Variants in RYR3 observed in about 807,000 individuals in gnomAD.
RYR3 encodes ryanodine receptor 3.
A neutral mutation model predicts 584.3 loss-of-function variants in RYR3; 207 were observed. The observed-to-expected ratio is 0.35, with a 90% CI of 0.32 to 0.40. The LOEUF (loss-of-function observed/expected upper bound fraction) is 0.40, where lower values mean the gene tolerates loss of function less well. Ranked by LOEUF, RYR3 falls within the 10% of genes least tolerant of loss-of-function variation. The pLI is 1.00. For synonymous variants in RYR3, 2,416 were observed against 2,248.5 expected, an observed-to-expected ratio of 1.07 and a Z score of -2.11; for missense variants, 5,616 against 6,089.2, an observed-to-expected ratio of 0.92 and a Z score of 2.59.
intron 37 of RYR3, 112 bp from the exon 38 acceptor site, chr15:33,670,307 T>C: frequency 9.2e-7 from 1 of 1,083,198 alleles, no homozygotes; most frequent in Non-Finnish European, 1.4e-6. Flanking sequence ...AAGCCTGTAG[T>C]ATCTTTAGAA....
intron 1 of RYR3, among the ~76,000 whole-genome samples, chr15:33,468,271 A>T (rs930228310): frequency 3.3e-5 from 5 of 152,240 alleles, no homozygotes; most frequent in African/African-American, 4.8e-5. Context: ...GCCATTAAAT[A>T]TTCACTGTTA....
At chr15:33,332,488 A>C (rs35298461) in intron 1 of RYR3, among the ~76,000 whole-genome samples, 18,823 of 152,052 alleles carry the variant, frequency 0.12, 1,424 homozygotes, top group South Asian at 0.2. Context: ...CAGTTATAGA[A>C]TACATACTAT....
chr15:33,549,353 G>T (rs1445869109), intron 9 of RYR3, among the ~76,000 whole-genome samples: 1 of 152,160 alleles, frequency 6.6e-6, no homozygotes, highest in Non-Finnish European at 1.5e-5. Context: ...ATGCGATTTG[G>T]ATTTATTGAT....
At chr15:33,530,742 C>G (rs1306307382) in intron 4 of RYR3, 76 bp downstream of exon 4, 6 of 1,078,290 alleles carry the variant, frequency 5.6e-6, no homozygotes, top group African/African-American at 3.1e-5. Flanking sequence ...AGGAAGCCAG[C>G]AATAACAACG....
rs903865101 is a variant in RYR3, at chr15:33,838,437, G to A, written c.12457G>A (p.Val4153Ile). The A allele has an allele frequency of 3.3e-5, 54 of 1,613,902 alleles. No homozygotes were observed. The highest frequency in any genetic ancestry group is 4.2e-5 in the Non-Finnish European group (50 of 1,179,906). The change falls in exon 89 of 104, where the codon GTC (valine) becomes ATC (isoleucine). Residue 4153 changes from valine (V) to isoleucine (I), a missense_variant. Physicochemically the swap from Val to Ile is conservative, Grantham distance 29. Coordinates refer to ENST00000634891, the MANE Select transcript of RYR3 (RefSeq NM_001036.6). ...GGCCTGTGCCTCTGTGAAGAGGAAT[G>A]TCACCGACTTCCTGAAGAGAGCAAC... ...AMACASVKRN[V>I]TDFLKRATLK... is the part of the protein sequence containing the mutation.
At chr15:33,854,686 C>A (rs2079461354) in intron 97 of RYR3, 80 bp from the exon 98 acceptor site, 3 of 1,523,006 alleles carry the variant, frequency 2.0e-6, no homozygotes, top group Non-Finnish European at 2.6e-6. Flanking sequence ...CAGTGTGTCT[C>A]CCAAAATAAG....
intron 70 of RYR3, among the ~76,000 whole-genome samples, chr15:33,809,191 G>A (rs924952103): frequency 6.6e-6 from 1 of 152,190 alleles, no homozygotes; most frequent in African/African-American, 2.4e-5. Flanking sequence ...AGCCCAGGAG[G>A]ACCAGATCTT....
chr15:33,388,766 A>G (rs562969144), intron 1 of RYR3, among the ~76,000 whole-genome samples: 143 of 152,288 alleles, frequency 9.4e-4, no homozygotes, highest in Non-Finnish European at 1.9e-3. Flanking sequence ...ACAGAACAGC[A>G]TGTAAGTATT....
rs114232918 is a variant in RYR3 at position 33,854,554 on chromosome 15, A to G, written c.13860+105A>G. On this transcript the variant is annotated intron_variant, in intron 97 of 103. Coordinates refer to ENST00000634891, the MANE Select transcript of RYR3 (RefSeq NM_001036.6). ...CAGAAGGGTTCAGGGATTGCTTATC[A>G]AAGACCAAGAGCCTTATACGTGCTG... is the stretch of plus-strand genomic sequence containing the variant. 2,400 of 1,096,440 alleles carry G rather than the reference A, an allele frequency of 2.2e-3. 32 individuals carry two copies. The African/African-American group carries it at 0.032, about 15-fold the overall frequency. The allele number at this position is 1,096,440 out of a possible 1,614,324, so 67.9% of individuals were successfully genotyped here.
chr15:33,780,089 A>G, intron 64 of RYR3, 122 bp from the exon 65 acceptor site: 5 of 1,134,200 alleles, frequency 4.4e-6, no homozygotes, highest in Non-Finnish European at 6.3e-6. Flanking sequence ...AGTGCATGCA[A>G]GCTTGCTGAG....
At chr15:33,622,357 G>T (rs985300123) in intron 19 of RYR3, among the ~76,000 whole-genome samples, 2 of 152,150 alleles carry the variant, frequency 1.3e-5, no homozygotes, top group Non-Finnish European at 2.9e-5. Flanking sequence ...TGCCTGAAAT[G>T]CTCTTCCTCC....
intron 32 of RYR3, among the ~76,000 whole-genome samples, chr15:33,653,669 CA>C (rs35053294): frequency 0.42 from 59,842 of 143,724 alleles, 11,967 homozygotes; most frequent in Non-Finnish European, 0.46. Context: ...GACTCCATCT[CA>C]AAAAAAAAAA....
At chr15:33,321,449 A>G (rs1968953021) in intron 1 of RYR3, among the ~76,000 whole-genome samples, 1 of 152,002 alleles carries the variant, frequency 6.6e-6, no homozygotes, top group Non-Finnish European at 1.5e-5. Context: ...TCTGCTTTCC[A>G]TGGAATTAAA....
chr15:33,554,396 C>T (rs535056466), intron 10 of RYR3, among the ~76,000 whole-genome samples: 220 of 150,936 alleles, frequency 1.5e-3, no homozygotes, highest in African/African-American at 4.9e-3. Context: ...CCCGGCTTCA[C>T]GCCATTCTCC....
At chr15:33,451,198 A>G (rs923858087) in intron 1 of RYR3, among the ~76,000 whole-genome samples, 1 of 152,208 alleles carries the variant, frequency 6.6e-6, no homozygotes, top group Non-Finnish European at 1.5e-5. Context: ...GAGCTGGTAC[A>G]TAACAGGCAC....
chr15:33,819,349 C>G (rs1348512628), intron 76 of RYR3, among the ~76,000 whole-genome samples: 1 of 152,120 alleles, frequency 6.6e-6, no homozygotes, highest in Non-Finnish European at 1.5e-5. Flanking sequence ...ATTTATATGA[C>G]TCTTAGTCTT....
At chr15:33,669,848 G>T (rs1307191557) in intron 37 of RYR3, among the ~76,000 whole-genome samples, 1,490 of 51,896 alleles carry the variant, frequency 0.029, 82 homozygotes, top group African/African-American at 0.068. Context: ...GTGTGTGGGG[G>T]GGGGGGGGGG....
intron 12 of RYR3, among the ~76,000 whole-genome samples, chr15:33,567,340 A>G (rs571225750): frequency 2.3e-4 from 35 of 152,312 alleles, no homozygotes; most frequent in Middle Eastern, 6.8e-3. Context: ...AACTCTGTGA[A>G]TTGTTTTCAC....
chr15:33,543,890 A>T (rs554836913), intron 8 of RYR3, among the ~76,000 whole-genome samples, 175 bp downstream of exon 8: 1 of 152,320 alleles, frequency 6.6e-6, no homozygotes, highest in African/African-American at 2.4e-5. Flanking sequence ...CAGCTTGCTT[A>T]CAGGAGGAGC....
Sources: allele counts gnomAD v4.1 joint callset (sites outside exome capture counted in the v4.1 genomes callset), GRCh38; gene constraint gnomAD v4.1.1; transcripts MANE v1.5; gene names NCBI Gene and HGNC (gene_info 2026-07-23, HGNC 2026-07-21).